The following ATRNL1 variants were observed in gnomAD, a reference collection of about 807,000 sequenced individuals.
ATRNL1 encodes the protein attractin like 1, also known as attractin-like protein 1.
A neutral mutation model predicts 182.7 loss-of-function variants in ATRNL1; 95 were observed. The observed-to-expected ratio is 0.52, with a 90% CI of 0.44 to 0.62. The LOEUF is 0.62. Among genes scored for constraint, ATRNL1 ranks in the 20% least tolerant of loss-of-function variants. ATRNL1 has a pLI of 0.00. For synonymous variants in ATRNL1, 576 were observed against 568.3 expected (o/e 1.01, Z -0.19); for missense variants, 1,471 against 1,679.5 (o/e 0.88, Z 2.17).
intron 26 of ATRNL1, among the ~76,000 whole-genome samples, chr10:115,575,445 G>A (rs1854643556): frequency 6.6e-6 from 1 of 152,078 alleles, no homozygotes; most frequent in South Asian, 2.1e-4. Flanking sequence ...TTATCTGAAT[G>A]TCTGAAATTT....
chr10:115,450,617 T>C (rs1847232475), intron 21 of ATRNL1, among the ~76,000 whole-genome samples: 1 of 151,952 alleles, frequency 6.6e-6, no homozygotes, highest in Non-Finnish European at 1.5e-5. Context: ...AAACCACTGC[T>C]CAAAGAGAAG....
At chr10:115,212,076 T>A (rs1214635528) in intron 8 of ATRNL1, among the ~76,000 whole-genome samples, 1 of 151,892 alleles carries the variant, frequency 6.6e-6, no homozygotes, top group Non-Finnish European at 1.5e-5. Flanking sequence ...GCAGGTTTGT[T>A]ATGTGGCTGT....
intron 20 of ATRNL1, among the ~76,000 whole-genome samples, chr10:115,403,189 C>T (rs538484150): frequency 6.0e-5 from 9 of 148,814 alleles, no homozygotes; most frequent in Non-Finnish European, 1.2e-4. Context: ...GATTCTGGCA[C>T]ATACTAGGGA....
intron 28 of ATRNL1, among the ~76,000 whole-genome samples, chr10:115,852,397 T>A (rs1419962712): frequency 1.3e-5 from 2 of 152,218 alleles, no homozygotes; most frequent in African/African-American, 4.8e-5. Context: ...GATGTCTTTC[T>A]TGTTTATAAT....
chr10:115,201,444 C>T (rs1480644748), intron 8 of ATRNL1, among the ~76,000 whole-genome samples: 2 of 152,176 alleles, frequency 1.3e-5, no homozygotes, highest in Non-Finnish European at 2.9e-5. Flanking sequence ...CAGCTTTCTA[C>T]ATATGGCTAG....
In ATRNL1 at chr10:115,948,432, C is replaced by T. The variant is rs1039650888; in HGVS notation, c.*3653C>T. On this transcript the variant is annotated 3_prime_UTR_variant, in exon 29 of 29. Transcript: ENST00000355044. ...ACCCACCTATGGTCTTTTTAAATGT[C>T]GAGTTTCAAAACCCATTTGCCGTAT... The T allele has an allele frequency of 2.6e-5, 4 of 152,146 alleles. No individual in the cohort carries two copies. The highest frequency in any genetic ancestry group is 6.5e-5 in the Admixed American group (1 of 15,274). The allele number at this position is 152,146 out of a possible 1,614,324, so 9.4% of individuals were successfully genotyped here. A position where few individuals can be genotyped will look rare whatever the true frequency, so the allele number is the denominator to read the frequency against.
At chr10:115,144,348 T>G (rs1845882987) in intron 5 of ATRNL1, among the ~76,000 whole-genome samples, 1 of 151,946 alleles carries the variant, frequency 6.6e-6, no homozygotes, top group South Asian at 2.1e-4. Flanking sequence ...CGGGGTTTCA[T>G]GGGGTCTCAC....
chr10:115,754,466 A>G (rs373838817), intron 27 of ATRNL1, among the ~76,000 whole-genome samples: 291 of 152,250 alleles, frequency 1.9e-3, no homozygotes, highest in African/African-American at 6.6e-3. Flanking sequence ...CAGATTTGTC[A>G]GTGATCCAAT....
At chr10:115,723,022 C>A (rs765970968) in intron 26 of ATRNL1, among the ~76,000 whole-genome samples, 1 of 152,170 alleles carries the variant, frequency 6.6e-6, no homozygotes, top group Non-Finnish European at 1.5e-5. Flanking sequence ...ATATTTTATT[C>A]ACTCATTCAT....
chr10:115,343,984 A>G (rs1855864040), intron 19 of ATRNL1, among the ~76,000 whole-genome samples: 1 of 152,150 alleles, frequency 6.6e-6, no homozygotes, highest in Non-Finnish European at 1.5e-5. Flanking sequence ...GAACAAACAG[A>G]ATTCCTCTCT....
chr10:115,495,629 C>T (rs782018080), intron 24 of ATRNL1, among the ~76,000 whole-genome samples: 7 of 151,618 alleles, frequency 4.6e-5, no homozygotes, highest in African/African-American at 7.3e-5. Context: ...TTTATAGTTT[C>T]GAGTGATCTT....
rs186776436 is a variant in ATRNL1 at position 115,096,875 on chromosome 10, C to T, written c.293+2832C>T. 1.7e-4 allele frequency: 180 copies of T among 1,036,766 alleles called. 2 individuals carry two copies. The highest frequency in any genetic ancestry group is 3.8e-5 in the Non-Finnish European group (32 of 836,742). The allele number at this position is 1,036,766 out of a possible 1,614,324, so 64.2% of individuals were successfully genotyped here. On this transcript the variant is annotated intron_variant, in intron 1 of 28. Coordinates refer to ENST00000355044, the MANE Select transcript of ATRNL1 (RefSeq NM_207303.4). Reference sequence around the variant, plus strand: ...AGGAACATTGATTTTTCACCCAAAGCTAGACTAAAGGACTTGGGATTGAGA... The same window carrying T: ...AGGAACATTGATTTTTCACCCAAAGTTAGACTAAAGGACTTGGGATTGAGA...
intron 26 of ATRNL1, among the ~76,000 whole-genome samples, chr10:115,553,620 G>A (rs1210543359): frequency 6.6e-6 from 1 of 151,052 alleles, no homozygotes; most frequent in Non-Finnish European, 1.5e-5. Context: ...ACTTAGATTT[G>A]CATTTTTTAT....
chr10:115,460,803 G>A (rs1554969566), intron 21 of ATRNL1, among the ~76,000 whole-genome samples: 1 of 152,114 alleles, frequency 6.6e-6, no homozygotes, highest in Non-Finnish European at 1.5e-5. Flanking sequence ...TGTTCATTCA[G>A]TAGAGTATTA....
rs2144266319 is a variant in ATRNL1, at chr10:115,195,912, A to G, written c.1349-19785A>G. 2.0e-5 allele frequency among the ~76,000 whole-genome samples: 3 copies of G among 152,176 alleles called. No homozygotes were observed. In the South Asian group the frequency reaches 6.2e-4, roughly 32 times the overall value. On this transcript the variant is annotated intron_variant, in intron 8 of 28. Transcript: ENST00000355044. ...ACATTTTTCTCATGCGTTTTCTAGG[A>G]GATGTTTTATAATTTTGGCTTTTGT...
chr10:115,562,838 T>C (rs2133843009), intron 26 of ATRNL1, among the ~76,000 whole-genome samples: 1 of 152,286 alleles, frequency 6.6e-6, no homozygotes, highest in African/African-American at 2.4e-5. Context: ...CTTGCACAAA[T>C]TGGGCTTAAG....
chr10:115,668,572 G>A (rs782377191), intron 26 of ATRNL1, among the ~76,000 whole-genome samples: 6 of 151,974 alleles, frequency 3.9e-5, no homozygotes, highest in African/African-American at 1.2e-4. Flanking sequence ...TCTGATTTTG[G>A]TAACATCTGC....
chr10:115,212,779 T>C (rs1296568154), intron 8 of ATRNL1, among the ~76,000 whole-genome samples: 1 of 152,020 alleles, frequency 6.6e-6, no homozygotes, highest in Non-Finnish European at 1.5e-5. Context: ...TTCTCACTTA[T>C]AAGTGGGAGC....
chr10:115,346,240 A>C (rs114760966), intron 19 of ATRNL1, among the ~76,000 whole-genome samples: 1,963 of 152,238 alleles, frequency 0.013, 37 homozygotes, highest in African/African-American at 0.044. Context: ...AAACTCTATA[A>C]CCATTAAAAA....
Sources: allele counts gnomAD v4.1 joint callset (sites outside exome capture counted in the v4.1 genomes callset), GRCh38; gene constraint gnomAD v4.1.1; transcripts MANE v1.5; gene names NCBI Gene and HGNC (gene_info 2026-07-23, HGNC 2026-07-21).